The following GABRB2 variants were observed in gnomAD, a reference collection of about 807,000 sequenced individuals.
GABRB2 encodes gamma-aminobutyric acid receptor subunit beta-2.
Under a neutral mutation model 54.7 loss-of-function variants are expected in GABRB2, and 16 were observed. The observed-to-expected ratio is 0.29, with a 90% CI of 0.20 to 0.44. The LOEUF (loss-of-function observed/expected upper bound fraction) is 0.44. GABRB2 is among the 20% of genes least tolerant of loss of function. GABRB2 has a pLI of 1.00. For synonymous variants in GABRB2, 244 were observed against 233.8 expected (o/e 1.04, Z -0.40); for missense variants, 355 against 644.0 (o/e 0.55, Z 4.86).
Position 161,393,299 on chromosome 5 carries a change from T to TAAAAAAAA in GABRB2, c.541+17668_541+17675dup, listed in dbSNP as rs533308700. Among the ~76,000 whole-genome samples the TAAAAAAAA allele has an allele frequency of 9.9e-5, 4 of 40,326 alleles. 1 individual carries two copies. Among genetic ancestry groups the TAAAAAAAA allele is most frequent in the African/African-American group, 1.7e-4 (2 of 11,686 alleles). The allele number at this position is 40,326 out of a possible 152,430, so 26.5% of individuals were successfully genotyped here. ...TCCCTTTTATAACTCTTTAAAAATG[T>TAAAAAAAA]AAAAAAAAAAAAAAAAAAAAAAAAA... On this transcript the variant is annotated intron_variant, in intron 5 of 9. Transcript: ENST00000393959.
At chr5:161,546,728 G>C (rs1324275938), upstream of GABRB2, 1 of 1,540,812 alleles carries the variant, frequency 6.5e-7, no homozygotes. Flanking sequence ...TCTAATGTGA[G>C]GCGCATGCGC....
In GABRB2 at chr5:161,541,344, G is replaced by T. The variant is rs867431047; in HGVS notation, c.237+3883C>A. 9.2e-5 allele frequency among the ~76,000 whole-genome samples: 14 copies of T among 152,242 alleles called. No individual in the cohort carries two copies. In the South Asian group the frequency reaches 2.9e-3, roughly 32 times the overall value. ...AGGATTTGAGACAGCATTCACTTAA[G>T]GTAACCAGCTGCATTAACACCTAAC... On this transcript the variant is annotated intron_variant, in intron 3 of 9. Transcript: ENST00000393959.
At chr5:161,365,376 T>C (rs554660360) in intron 5 of GABRB2, among the ~76,000 whole-genome samples, 1 of 152,324 alleles carries the variant, frequency 6.6e-6, no homozygotes, top group African/African-American at 2.4e-5. Flanking sequence ...GTATTTCAAT[T>C]TGTTAGTTAA....
intron 5 of GABRB2, among the ~76,000 whole-genome samples, chr5:161,366,322 T>C (rs1201282373): frequency 1.3e-5 from 2 of 152,064 alleles, no homozygotes; most frequent in African/African-American, 2.4e-5. Context: ...TATCTCTCCA[T>C]CATCTAAGGG....
chr5:161,347,420 T>TGTA (rs1754349050), intron 5 of GABRB2, among the ~76,000 whole-genome samples: 2 of 152,164 alleles, frequency 1.3e-5, no homozygotes, highest in African/African-American at 4.8e-5. Flanking sequence ...TCTGTAATTA[T>TGTA]GTACACTCTA....
chr5:161,533,162 G>T (rs547180254), intron 3 of GABRB2, among the ~76,000 whole-genome samples: 8 of 152,116 alleles, frequency 5.3e-5, no homozygotes, highest in Non-Finnish European at 1.0e-4. Context: ...TAGGAATGCC[G>T]ATAGAATGTG....
At chr5:161,359,493 G>T (rs1367027200) in intron 5 of GABRB2, among the ~76,000 whole-genome samples, 1 of 149,632 alleles carries the variant, frequency 6.7e-6, no homozygotes, top group Non-Finnish European at 1.5e-5. Flanking sequence ...GGCATAAGAA[G>T]GCATAAGATT....
At chr5:161,518,771 C>T (rs994485396) in intron 3 of GABRB2, among the ~76,000 whole-genome samples, 1 of 152,060 alleles carries the variant, frequency 6.6e-6, no homozygotes, top group African/African-American at 2.4e-5. Flanking sequence ...GAGAGGTCAC[C>T]TTAAAGCATG....
At chr5:161,349,440 T>C (rs1436480361) in intron 5 of GABRB2, among the ~76,000 whole-genome samples, 1 of 152,140 alleles carries the variant, frequency 6.6e-6, no homozygotes, top group East Asian at 1.9e-4. Context: ...TATGCTGTGG[T>C]GATTTGAAAT....
At chr5:161,299,539 C>T (rs189198569) in intron 9 of GABRB2, among the ~76,000 whole-genome samples, 53 of 152,158 alleles carry the variant, frequency 3.5e-4, no homozygotes, top group African/African-American at 1.3e-3. Context: ...TCTAATGGTG[C>T]CTTGTGTCTA....
chr5:161,361,931 C>T (rs1425281945), intron 5 of GABRB2, among the ~76,000 whole-genome samples: 1 of 152,128 alleles, frequency 6.6e-6, no homozygotes, highest in Non-Finnish European at 1.5e-5. Flanking sequence ...AGTATTTAAT[C>T]CATCTTGAGT....
At chr5:161,518,213 T>C (rs548775694) in intron 3 of GABRB2, among the ~76,000 whole-genome samples, 4 of 152,310 alleles carry the variant, frequency 2.6e-5, no homozygotes, top group East Asian at 3.9e-4. Flanking sequence ...TAACATTTTA[T>C]ACAAAATAAA....
intron 3 of GABRB2, among the ~76,000 whole-genome samples, chr5:161,530,025 C>T (rs539478341): frequency 6.6e-6 from 1 of 152,060 alleles, no homozygotes; most frequent in Admixed American, 6.6e-5. Context: ...TATGTCTTTC[C>T]CTCTCTCCAT....
chr5:161,532,430 C>T (rs1170225014), intron 3 of GABRB2, among the ~76,000 whole-genome samples: 2 of 152,080 alleles, frequency 1.3e-5, no homozygotes, highest in East Asian at 3.9e-4. Context: ...AAACAGCGAT[C>T]CTCCCAGAGA....
intron 9 of GABRB2, among the ~76,000 whole-genome samples, chr5:161,320,524 C>A (rs1209889205): frequency 6.6e-6 from 1 of 151,560 alleles, no homozygotes; most frequent in African/African-American, 2.4e-5. Flanking sequence ...ATGATTATAT[C>A]TTTATTTGGG....
chr5:161,324,679 A>T (rs551940611), intron 9 of GABRB2, among the ~76,000 whole-genome samples: 9 of 152,086 alleles, frequency 5.9e-5, no homozygotes, highest in African/African-American at 1.4e-4. Context: ...CTTATAGGTT[A>T]TAAGTTTACT....
chr5:161,424,788 G>A lies in GABRB2; in HGVS notation c.459-13731C>T, dbSNP rs75662816. On this transcript the variant is annotated intron_variant, in intron 4 of 9. Transcript: ENST00000393959. ...TAAGGTTATTGCTGTCATGTATAGT[G>A]ATTCCTTTGATGGATCCAGGCAAAG... Among the ~76,000 whole-genome samples the A allele has an allele frequency of 2.6e-5, 4 of 152,210 alleles. No individual in the cohort carries two copies. The East Asian group carries it at 7.7e-4, about 29-fold the overall frequency.
chr5:161,341,895 C>CA (rs1754169524), intron 5 of GABRB2, among the ~76,000 whole-genome samples: 1 of 142,812 alleles, frequency 7.0e-6, no homozygotes, highest in South Asian at 2.2e-4. Context: ...CCAATGAGAA[C>CA]ATTTAGAAGA....
At chr5:161,411,086 T>C in intron 4 of GABRB2, 29 bp from the exon 5 acceptor site, 2 of 1,540,098 alleles carry the variant, frequency 1.3e-6, no homozygotes, top group African/African-American at 1.4e-5. Context: ...TGATGAGTGT[T>C]GTTAGCAGGT....
Sources: gnomAD v4.1 joint callset for allele counts (sites outside exome capture counted in the v4.1 genomes callset) on GRCh38, gnomAD v4.1.1 for gene constraint, MANE v1.5 for transcripts, NCBI Gene and HGNC (gene_info 2026-07-23, HGNC 2026-07-21) for gene names.